Variants in RUBCNL observed in about 807,000 individuals in gnomAD.
RUBCNL encodes rubicon like autophagy enhancer, also known as protein associated with UVRAG as autophagy enhancer.
RUBCNL carries 62 observed loss-of-function variants against 69.5 expected under a neutral mutation model. The observed-to-expected ratio is 0.89, with a 90% CI of 0.73 to 1.10. RUBCNL has a LOEUF of 1.10. Among genes scored for constraint, RUBCNL ranks in the 50% least tolerant of loss-of-function variants. The pLI, the probability that RUBCNL is intolerant of heterozygous loss-of-function variation, is 0.00. For synonymous variants in RUBCNL, 291 were observed against 303.6 expected (o/e 0.96, Z 0.43); for missense variants, 768 against 798.1 (o/e 0.96, Z 0.45).
intron 2 of RUBCNL, among the ~76,000 whole-genome samples, chr13:46,373,792 G>A (rs1432430829): frequency 6.6e-6 from 1 of 152,224 alleles, no homozygotes; most frequent in Non-Finnish European, 1.5e-5. Flanking sequence ...GTGCATGCAG[G>A]CAACTCCCAC....
At chr13:46,387,317 C>T (rs763142236), upstream of RUBCNL, 8 of 985,436 alleles carry the variant, frequency 8.1e-6, no homozygotes, top group Non-Finnish European at 9.6e-6. Context: ...CCGCCTCCCA[C>T]ACGGGGGCCA....
chr13:46,349,843 AT>A (rs111266554), intron 11 of RUBCNL, among the ~76,000 whole-genome samples: 246 of 144,852 alleles, frequency 1.7e-3, no homozygotes, highest in Middle Eastern at 3.6e-3. Context: ...TACCTGACTA[AT>A]TTTTTTTTTT....
At chr13:46,349,729 T>G (rs1469845356) in intron 11 of RUBCNL, among the ~76,000 whole-genome samples, 1 of 151,034 alleles carries the variant, frequency 6.6e-6, no homozygotes, top group Non-Finnish European at 1.5e-5. Context: ...CAGGCTGGAG[T>G]GCAGTAGTGC....
intron 10 of RUBCNL, chr13:46,354,933 T>C (rs1477671905): frequency 9.1e-6 from 4 of 437,194 alleles, no homozygotes; most frequent in East Asian, 7.1e-5. Context: ...ATGCATTCAA[T>C]ATTTACAGAA....
Position 46,338,838 on chromosome 13 carries a change from C to G in RUBCNL, c.*4547G>C, listed in dbSNP as rs757649477. ...TTGGGAGGCCGAGGCGGGTAGATCA[C>G]TTCTGAGACCAGCCTGGCCAACATG... On this transcript the variant is annotated 3_prime_UTR_variant, in exon 15 of 15. Transcript: ENST00000429979. Among the ~76,000 whole-genome samples, 2 of 151,936 alleles carry G rather than the reference C, an allele frequency of 1.3e-5. No individual in the cohort carries two copies. Among genetic ancestry groups the G allele is most frequent in the Non-Finnish European group, 2.9e-5 (2 of 67,962 alleles).
intron 5 of RUBCNL, among the ~76,000 whole-genome samples, chr13:46,364,780 C>CA (rs2048713056): frequency 6.6e-6 from 1 of 150,942 alleles, no homozygotes; most frequent in Admixed American, 6.6e-5. Flanking sequence ...CATCTATTGC[C>CA]ACAAATGTCA....
At chr13:46,388,598 C>T (rs1258045621), upstream of RUBCNL, among the ~76,000 whole-genome samples, 4 of 152,170 alleles carry the variant, frequency 2.6e-5, no homozygotes, top group East Asian at 5.8e-4. Flanking sequence ...AGCTCTCTCT[C>T]GCGGTGCCCT....
rs758350683 is a variant in RUBCNL, at chr13:46,372,134, G to A, written c.342C>T (p.Ser114=). ...TTTCACTCGAGCCATGGGGAGAAGC[G>A]CTGCCAACGGAGTCTGTGGTATCCT... ...LSEDTTDSVG[S]ASPHGSSEKS... Residue 114 remains serine (S), a synonymous_variant, in exon 3 of 15, where the codon AGC becomes AGT. Transcript: ENST00000429979. 15 of 1,613,874 alleles carry A rather than the reference G, an allele frequency of 9.3e-6. No individual in the cohort carries two copies. The highest frequency in any genetic ancestry group is 2.7e-5 in the African/African-American group (2 of 74,910).
intron 5 of RUBCNL, among the ~76,000 whole-genome samples, chr13:46,364,518 AATGGGGGTAAG>A (rs1224168180): frequency 1.3e-5 from 2 of 152,308 alleles, no homozygotes; most frequent in Non-Finnish European, 2.9e-5. Context: ...TCATGGATAG[AATGGGGGTAAG>A]AGCACCCATC....
At chr13:46,379,871 T>C (rs2049081672) in intron 1 of RUBCNL, among the ~76,000 whole-genome samples, 1 of 152,224 alleles carries the variant, frequency 6.6e-6, no homozygotes, top group East Asian at 1.9e-4. Flanking sequence ...TAGGCAAAGA[T>C]TCACATCCCA....
At chr13:46,352,298 T>G (rs2048386303) in intron 10 of RUBCNL, among the ~76,000 whole-genome samples, 1 of 152,234 alleles carries the variant, frequency 6.6e-6, no homozygotes, top group South Asian at 2.1e-4. Context: ...TGCCCCTCCC[T>G]CAACACTAGG....
At position 46,343,071 on chromosome 13, in the gene RUBCNL, T is replaced by G. The variant is rs1239261825; in HGVS notation, c.*314A>C. 1 of 392,280 alleles carries G rather than the reference T, an allele frequency of 2.5e-6. No homozygotes were observed. Among genetic ancestry groups the G allele is most frequent in the African/African-American group, 2.0e-5 (1 of 49,028 alleles). The allele number at this position is 392,280 out of a possible 1,614,324, so 24.3% of individuals were successfully genotyped here. ...TCTTGTCAGTTACAGTTCACATATA[T>G]GCACACACATACAAACTGGCTCAGC... On this transcript the variant is annotated 3_prime_UTR_variant, in exon 15 of 15. Coordinates refer to ENST00000429979, the MANE Select transcript of RUBCNL (RefSeq NM_025113.5).
upstream of RUBCNL, among the ~76,000 whole-genome samples, chr13:46,389,293 A>T (rs1452669738): frequency 2.6e-5 from 4 of 152,222 alleles, no homozygotes; most frequent in Non-Finnish European, 1.5e-5. The surrounding 1 kb of genome is among the most constrained non-coding windows in gnomAD (Gnocchi z 4.2). Flanking sequence ...GGTGTATCTG[A>T]CACCAAACCC....
At position 46,368,360 on chromosome 13, in the gene RUBCNL, G is replaced by T. The variant is rs965724845; in HGVS notation, c.619-111C>A. 58 of 1,402,184 alleles carry T rather than the reference G, an allele frequency of 4.1e-5. No homozygotes were observed. In the African/African-American group the frequency reaches 6.2e-4, roughly 15 times the overall value. The allele number at this position is 1,402,184 out of a possible 1,614,324, so 86.9% of individuals were successfully genotyped here. A position where few individuals can be genotyped will look rare whatever the true frequency, so the allele number is the denominator to read the frequency against. On this transcript the variant is annotated intron_variant, in intron 4 of 14. Coordinates refer to ENST00000429979, the MANE Select transcript of RUBCNL (RefSeq NM_025113.5). ...ATTTAAGTGGAATTAATGCATATCA[G>T]TATAAATATTCATTTAACTGAGTTA...
chr13:46,339,171 G>A lies in RUBCNL; in HGVS notation c.*4214C>T, dbSNP rs924920501. 6.6e-6 allele frequency among the ~76,000 whole-genome samples: 1 copy of A among 152,116 alleles called. No individual in the cohort carries two copies. Among genetic ancestry groups the A allele is most frequent in the African/African-American group, 2.4e-5 (1 of 41,408 alleles). ...GATATGCGAGGATGCAAAGGTTCTC[G>A]ATTTCTCATGTTTGTGCTGAAGCTT... On this transcript the variant is annotated 3_prime_UTR_variant, in exon 15 of 15. Coordinates refer to ENST00000429979, the MANE Select transcript of RUBCNL (RefSeq NM_025113.5).
chr13:46,358,192 C>T (rs886777811), intron 9 of RUBCNL, among the ~76,000 whole-genome samples: 1 of 152,110 alleles, frequency 6.6e-6, no homozygotes, highest in African/African-American at 2.4e-5. Context: ...TTGGCATTCT[C>T]TCAAAAAAAG....
intron 1 of RUBCNL, among the ~76,000 whole-genome samples, chr13:46,386,461 C>G (rs1339925338): frequency 7.2e-5 from 11 of 152,082 alleles, no homozygotes; most frequent in African/African-American, 2.4e-4. Context: ...AATAACCCCT[C>G]CTCTGAAAGT....
At position 46,343,444 on chromosome 13, in the gene RUBCNL, A is replaced by G; in HGVS notation, c.1930T>C (p.Cys644Arg). Residue 644 changes from cysteine (C) to arginine (R), a missense_variant, in exon 15 of 15, where the codon TGT becomes CGT. Coordinates refer to ENST00000429979, the MANE Select transcript of RUBCNL (RefSeq NM_025113.5). ...TTTCTCCTCGCTGTGATCCTCGCAC[A>G]CCGGGGGCACTCGGAGGACTGGAAG... is the stretch of plus-strand genomic sequence containing the variant. ...QCFQSSECPRCARITARRKLL... is the reference protein window; with the variant it reads ...QCFQSSECPRRARITARRKLL... 1 of 1,613,948 alleles carries G rather than the reference A, an allele frequency of 6.2e-7. No individual in the cohort carries two copies. The highest frequency in any genetic ancestry group is 8.5e-7 in the Non-Finnish European group (1 of 1,179,874).
Position 46,341,579 on chromosome 13 carries a change from G to A in RUBCNL, c.*1806C>T, listed in dbSNP as rs1367664998. On this transcript the variant is annotated 3_prime_UTR_variant, in exon 15 of 15. Coordinates refer to ENST00000429979, the MANE Select transcript of RUBCNL (RefSeq NM_025113.5). ...TATCAAAGATATGTAACACACACAGGCTCATCAGTGCCTTACAAACATACA... is the reference window on the plus strand; with the variant it reads ...TATCAAAGATATGTAACACACACAGACTCATCAGTGCCTTACAAACATACA... 1.3e-5 allele frequency among the ~76,000 whole-genome samples: 2 copies of A among 152,164 alleles called. No individual in the cohort carries two copies. The highest frequency in any genetic ancestry group is 1.3e-4 in the Admixed American group (2 of 15,286).
Sources: gnomAD v4.1 joint callset for allele counts (sites outside exome capture counted in the v4.1 genomes callset) on GRCh38, gnomAD v4.1.1 for gene constraint, Gnocchi (gnomAD v3.1) non-coding constraint, MANE v1.5 for transcripts, NCBI Gene and HGNC (gene_info 2026-07-23, HGNC 2026-07-21) for gene names.